The following DIAPH2 variants were observed in gnomAD, a reference collection of about 807,000 sequenced individuals.
DIAPH2 encodes diaphanous related formin 2.
Under a neutral mutation model 92.7 loss-of-function variants are expected in DIAPH2, and 35 were observed. That is an observed-to-expected ratio of 0.38 (90% CI 0.29 to 0.50). DIAPH2 has a LOEUF of 0.50. DIAPH2 is among the 20% of genes least tolerant of loss of function. DIAPH2 has a pLI of 0.94. For synonymous variants in DIAPH2, 301 were observed against 280.4 expected (o/e 1.07, Z -0.73); for missense variants, 701 against 819.5 (o/e 0.86, Z 1.77).
chrX:97,552,133 C>T (rs1445891433), intron 26 of DIAPH2, among the ~76,000 whole-genome samples: 1 of 111,506 alleles, frequency 9.0e-6, no homozygotes, highest in Non-Finnish European at 1.9e-5. Context: ...CGCATTATCT[C>T]CTAAGTTGTA....
intron 1 of DIAPH2, among the ~76,000 whole-genome samples, chrX:96,726,200 G>T (rs1001048850): frequency 9.2e-6 from 1 of 108,826 alleles, no homozygotes; most frequent in Non-Finnish European, 1.9e-5. Flanking sequence ...TTATCATCTT[G>T]CAACTGGATC....
At chrX:97,583,858 C>T (rs1047893930) in intron 26 of DIAPH2, among the ~76,000 whole-genome samples, 9 of 111,747 alleles carry the variant, frequency 8.1e-5, no homozygotes, top group Admixed American at 1.9e-4. Flanking sequence ...GAGCCAGGTG[C>T]GGGATATAAT....
In DIAPH2 at chrX:97,443,973, A is replaced by G. The variant is rs191298893; in HGVS notation, c.3241+14228A>G. 2.7e-4 allele frequency among the ~76,000 whole-genome samples: 30 copies of G among 112,394 alleles called. No homozygotes were observed. The East Asian group carries it at 7.5e-3, about 28-fold the overall frequency. On this transcript the variant is annotated intron_variant, in intron 26 of 26. Transcript: ENST00000324765. ...TGCAAATACTGTGATGCTCTATAAG[A>G]TGGGGAAATAGAAGTTAGTGAATTT...
intron 22 of DIAPH2, among the ~76,000 whole-genome samples, chrX:97,160,095 G>A (rs1342628489): frequency 1.3e-4 from 14 of 107,067 alleles, no homozygotes; most frequent in African/African-American, 4.7e-4. Context: ...CATAAAAGAC[G>A]GGGGCGGGGC....
intron 4 of DIAPH2, among the ~76,000 whole-genome samples, chrX:96,769,230 A>G (rs1287290025): frequency 8.9e-6 from 1 of 112,198 alleles, no homozygotes; most frequent in Non-Finnish European, 1.9e-5. Flanking sequence ...TGGGTGACCA[A>G]AATGACTTGA....
intron 23 of DIAPH2, among the ~76,000 whole-genome samples, chrX:97,333,650 C>T (rs758490182): frequency 7.3e-5 from 8 of 109,592 alleles, no homozygotes; most frequent in Admixed American, 2.9e-4. Context: ...CTGTAACCTC[C>T]GCCTCCCAGG....
chrX:97,245,762 C>G (rs2068136236), intron 22 of DIAPH2, among the ~76,000 whole-genome samples: 1 of 111,534 alleles, frequency 9.0e-6, no homozygotes, highest in Non-Finnish European at 1.9e-5. Context: ...ATAGTCCTTC[C>G]TGCAGGTGTC....
chrX:96,764,946 C>G (rs1168925135), intron 4 of DIAPH2, among the ~76,000 whole-genome samples: 1 of 110,772 alleles, frequency 9.0e-6, no homozygotes, highest in Non-Finnish European at 1.9e-5. Flanking sequence ...GGTACCAACT[C>G]TCTCCCCTAA....
chrX:97,519,614 C>T (rs1475183548), intron 26 of DIAPH2, among the ~76,000 whole-genome samples: 1 of 112,601 alleles, frequency 8.9e-6, no homozygotes, highest in Non-Finnish European at 1.9e-5. Context: ...CTGTAATTTT[C>T]AACAGAGGTT....
chrX:97,109,725 G>C (rs1421746508), intron 20 of DIAPH2, among the ~76,000 whole-genome samples: 2 of 111,561 alleles, frequency 1.8e-5, no homozygotes, highest in East Asian at 5.6e-4. Context: ...TATACCTCTT[G>C]AAACTATATG....
intron 23 of DIAPH2, among the ~76,000 whole-genome samples, chrX:97,251,053 T>A (rs774657767): frequency 3.3e-4 from 37 of 111,979 alleles, no homozygotes; most frequent in Non-Finnish European, 5.6e-4. Flanking sequence ...TTTCTTCCTT[T>A]CTCTACCCAA....
At chrX:96,929,850 A>C (rs185646359) in intron 9 of DIAPH2, among the ~76,000 whole-genome samples, 80 of 110,754 alleles carry the variant, frequency 7.2e-4, no homozygotes, top group African/African-American at 2.3e-3. Flanking sequence ...GCATCTTTTC[A>C]GTTAAACAAT....
rs992268328 is a variant in DIAPH2 at position 96,699,597 on chromosome X, G to A, written c.132+14407G>A. ...GTCAAGGTTAAGAAACTCTGCTTTA[G>A]ACCCTATAACATTTTGTATATTTAG... On this transcript the variant is annotated intron_variant, in intron 1 of 26. Transcript: ENST00000324765. Among the ~76,000 whole-genome samples the A allele has an allele frequency of 7.1e-5, 8 of 112,047 alleles. No individual in the cohort carries two copies. In the South Asian group the frequency reaches 1.5e-3, roughly 21 times the overall value.
intron 22 of DIAPH2, among the ~76,000 whole-genome samples, chrX:97,179,990 C>G (rs2067525886): frequency 9.0e-6 from 1 of 111,715 alleles, no homozygotes; most frequent in South Asian, 3.8e-4. Flanking sequence ...TATCTCCCAC[C>G]AGGTCCCTCC....
chrX:97,113,295 G>A (rs1381472808), intron 20 of DIAPH2, among the ~76,000 whole-genome samples: 1 of 111,390 alleles, frequency 9.0e-6, no homozygotes, highest in African/African-American at 3.3e-5. Context: ...TTTTTCACCA[G>A]CAATAGTTTT....
In DIAPH2 at chrX:97,274,648, TTTTG is replaced by T. The variant is rs746737874; in HGVS notation, c.2844+26817_2844+26820del. Among the ~76,000 whole-genome samples the T allele has an allele frequency of 2.7e-3, 299 of 110,376 alleles. 2 individuals are homozygous for T. The highest frequency in any genetic ancestry group is 9.5e-3 in the African/African-American group (288 of 30,437). ...TTTTTTTTTTGTTTTTTTTTTGTTT[TTTTG>T]TTTGTTTTTATTGATCATTCTTGGG... On this transcript the variant is annotated intron_variant, in intron 23 of 26. Coordinates refer to ENST00000324765, the MANE Select transcript of DIAPH2 (RefSeq NM_006729.5).
intron 22 of DIAPH2, among the ~76,000 whole-genome samples, chrX:97,185,476 T>TATATATACAC (rs2067591449): frequency 6.4e-4 from 1 of 1,561 alleles, no homozygotes; most frequent in African/African-American, 1.1e-3. Context: ...TATATACACA[T>TATATATACAC]ATATATATAT....
At chrX:97,469,434 G>A (rs1316464598) in intron 26 of DIAPH2, among the ~76,000 whole-genome samples, 3 of 111,476 alleles carry the variant, frequency 2.7e-5, no homozygotes, top group Non-Finnish European at 5.7e-5. Flanking sequence ...ATGGAGTGCT[G>A]GCAATACGCA....
intron 24 of DIAPH2, among the ~76,000 whole-genome samples, chrX:97,360,543 G>C (rs2069315274): frequency 9.0e-6 from 1 of 111,071 alleles, no homozygotes; most frequent in African/African-American, 3.3e-5. Flanking sequence ...AGAATCACTT[G>C]AACCCGGGAG....
Sources: allele counts gnomAD v4.1 joint callset (sites outside exome capture counted in the v4.1 genomes callset), GRCh38; gene constraint gnomAD v4.1.1; transcripts MANE v1.5; gene names NCBI Gene and HGNC (gene_info 2026-07-23, HGNC 2026-07-21).